SSX2IP: variants seen among roughly 807,000 people sequenced by gnomAD.
The protein encoded by SSX2IP is SSX family member 2 interacting protein, also known as afadin- and alpha-actinin-binding protein.
In SSX2IP, 55 loss-of-function variants were observed where a neutral mutation model predicts 84.9. The ratio of observed to expected loss-of-function variants is 0.65; its 90% confidence interval spans 0.52 to 0.81. The LOEUF is 0.81. Among genes scored for constraint, SSX2IP ranks in the 30% least tolerant of loss-of-function variants. SSX2IP has a pLI of 0.00. For missense variants in SSX2IP, 664 were observed against 705.2 expected, an observed-to-expected ratio of 0.94 and a Z score of 0.66; for synonymous variants, 239 against 234.7, an observed-to-expected ratio of 1.02 and a Z score of -0.17.
At chr1:84,670,387 G>A (rs1653394740) in intron 3 of SSX2IP, 2 of 241,726 alleles carry the variant, frequency 8.3e-6, no homozygotes, top group African/African-American at 2.3e-5. Flanking sequence ...AAGGCACTTG[G>A]GTTTCTGCAT....
Position 84,651,899 on chromosome 1 carries a change from G to A in SSX2IP, c.1488C>T (p.Phe496=). The part of the protein sequence containing the change: ...DHQNSENVKL[F]SAFSGSSDWD... ...AGTACTCACTTCCTGAGAAGGCACTGAAAAGTTTCACATTTTCTGAGTTCT... is the reference window on the plus strand; with the variant it reads ...AGTACTCACTTCCTGAGAAGGCACTAAAAAGTTTCACATTTTCTGAGTTCT... Residue 496 remains phenylalanine, a synonymous_variant, in exon 12 of 14, where the codon TTC becomes TTT. Transcript: ENST00000342203. The A allele has an allele frequency of 1.9e-6, 3 of 1,612,888 alleles. No homozygotes were observed. The highest frequency in any genetic ancestry group is 2.5e-6 in the Non-Finnish European group (3 of 1,179,050).
At chr1:84,653,373 T>C (rs544551361) in intron 11 of SSX2IP, among the ~76,000 whole-genome samples, 8 of 152,210 alleles carry the variant, frequency 5.3e-5, no homozygotes, top group Non-Finnish European at 8.8e-5. Context: ...ATAGGCAAAT[T>C]ATGTCAAACC....
At chr1:84,651,086 C>G (rs1370427982) in intron 12 of SSX2IP, among the ~76,000 whole-genome samples, 1 of 152,038 alleles carries the variant, frequency 6.6e-6, no homozygotes, top group Non-Finnish European at 1.5e-5. Flanking sequence ...GAAGGTGAGG[C>G]GGAATGACTG....
At chr1:84,667,583 T>A (rs1285854324) in intron 4 of SSX2IP, among the ~76,000 whole-genome samples, 3 of 152,100 alleles carry the variant, frequency 2.0e-5, no homozygotes, top group African/African-American at 7.2e-5. Context: ...AACTCCTCAG[T>A]GCTTCCCTGT....
In SSX2IP at chr1:84,660,809, T is replaced by C. The variant is rs539905306; in HGVS notation, c.927+1389A>G. The stretch of plus-strand genomic sequence containing the variant: ...GGCTGACGCCTGTAATCCTAGCACT[T>C]TGGGAGGCTGAGGCAGGCGGATCAC... On this transcript the variant is annotated intron_variant, in intron 8 of 13. Transcript: ENST00000342203. Among the ~76,000 whole-genome samples the C allele has an allele frequency of 1.3e-3, 195 of 148,904 alleles. 2 individuals carry two copies. Among genetic ancestry groups the C allele is most frequent in the African/African-American group, 4.0e-3 (162 of 40,290 alleles).
In SSX2IP at chr1:84,675,685, A is replaced by C. The variant is rs1015735419; in HGVS notation, c.-89-4377T>G. Among the ~76,000 whole-genome samples, 8 of 152,342 alleles carry C rather than the reference A, an allele frequency of 5.3e-5. No homozygotes were observed. In the East Asian group the frequency reaches 1.3e-3, roughly 26 times the overall value. Reference sequence around the variant, plus strand: ...CCCTCTGCTTACCTGAGACAAATGCACATCTGATTGCTTCCTATGCCCTAT... The same window carrying C: ...CCCTCTGCTTACCTGAGACAAATGCCCATCTGATTGCTTCCTATGCCCTAT... On this transcript the variant is annotated intron_variant, in intron 1 of 13. Coordinates refer to ENST00000342203, the MANE Select transcript of SSX2IP (RefSeq NM_001166293.2).
intron 1 of SSX2IP, among the ~76,000 whole-genome samples, chr1:84,679,661 C>T (rs1217261543): frequency 1.3e-5 from 2 of 152,134 alleles, no homozygotes; most frequent in Non-Finnish European, 2.9e-5. Flanking sequence ...TGATGATAAT[C>T]TACTTCTTAA....
intron 5 of SSX2IP, among the ~76,000 whole-genome samples, chr1:84,664,832 T>C (rs946355764): frequency 2.6e-5 from 4 of 152,168 alleles, no homozygotes; most frequent in African/African-American, 9.7e-5. Flanking sequence ...ATGGAAGTAT[T>C]AAAACGATTA....
rs926639734 is a variant in SSX2IP at position 84,688,621 on chromosome 1, T to C, written c.-90+1750A>G. ...GTACTAGGAGATCCCAAGTATACAA[T>C]TGGACACTGTGCTGGACTTGAGGTC... On this transcript the variant is annotated intron_variant, in intron 1 of 13. Coordinates refer to ENST00000342203, the MANE Select transcript of SSX2IP (RefSeq NM_001166293.2). Among the ~76,000 whole-genome samples, 31 of 152,330 alleles carry C rather than the reference T, an allele frequency of 2.0e-4. No individual in the cohort carries two copies. In the South Asian group the frequency reaches 3.5e-3, roughly 17 times the overall value.
Position 84,662,205 on chromosome 1 carries a change from G to C in SSX2IP, c.920C>G (p.Thr307Arg), listed in dbSNP as rs573891623. 1 of 1,583,758 alleles carries C rather than the reference G, an allele frequency of 6.3e-7. No individual in the cohort carries two copies. The highest frequency in any genetic ancestry group is 8.6e-7 in the Non-Finnish European group (1 of 1,168,458). Residue 307 changes from threonine (T) to arginine (R), a missense_variant, in exon 8 of 14, where the codon ACA becomes AGA. Transcript: ENST00000342203. Reference sequence around the variant, plus strand: ...GAGGAAAGAGCCACTTACAGTTCCTGTACTATCATCTACTCTTTCTCTAGG... The same window carrying C: ...GAGGAAAGAGCCACTTACAGTTCCTCTACTATCATCTACTCTTTCTCTAGG... ...KKPRERVDDS[T>R]GTVISDVEED...
chr1:84,659,009 T>C (rs1277999081), intron 8 of SSX2IP, among the ~76,000 whole-genome samples: 1 of 152,068 alleles, frequency 6.6e-6, no homozygotes, highest in Non-Finnish European at 1.5e-5. Flanking sequence ...CATGAAATCA[T>C]AAAGAAGTAG....
At chr1:84,663,330 C>T (rs1652303605) in intron 6 of SSX2IP, among the ~76,000 whole-genome samples, 4 of 152,098 alleles carry the variant, frequency 2.6e-5, no homozygotes, top group Admixed American at 2.6e-4. Context: ...GAACTAAATC[C>T]TTAATAAACT....
chr1:84,683,407 T>C (rs1311943087), intron 1 of SSX2IP, among the ~76,000 whole-genome samples: 1 of 152,160 alleles, frequency 6.6e-6, no homozygotes, highest in Non-Finnish European at 1.5e-5. Flanking sequence ...AATATTAAAT[T>C]CTGGATGTAG....
rs189842171 is a variant in SSX2IP at position 84,667,128 on chromosome 1, G to A, written c.427-896C>T. Among the ~76,000 whole-genome samples the A allele has an allele frequency of 3.8e-3, 582 of 152,082 alleles. 3 individuals are homozygous for A. In the Middle Eastern group the frequency reaches 0.044, roughly 12 times the overall value. The stretch of plus-strand genomic sequence containing the variant: ...GCATGACATAACTTACAGGCACTAG[G>A]CCAGGTGATATGTAGCATATATGTC... On this transcript the variant is annotated intron_variant, in intron 4 of 13. Coordinates refer to ENST00000342203, the MANE Select transcript of SSX2IP (RefSeq NM_001166293.2).
chr1:84,652,109 T>G lies in SSX2IP; in HGVS notation c.1390-112A>C, dbSNP rs1291752246. On this transcript the variant is annotated intron_variant, in intron 11 of 13. Transcript: ENST00000342203. ...TTGCTCTCTGGCTATCTATTCGTAC[T>G]TCTTATGTCAAATGAGTTAACCTAA... is the stretch of plus-strand genomic sequence containing the variant. The G allele has an allele frequency of 1.5e-5, 11 of 744,288 alleles. No individual in the cohort carries two copies. In the Admixed American group the frequency reaches 2.1e-4, roughly 14 times the overall value. The allele number at this position is 744,288 out of a possible 1,614,324, so 46.1% of individuals were successfully genotyped here.
At chr1:84,664,346 C>T (rs1652471376) in intron 6 of SSX2IP, 71 bp downstream of exon 6, 4 of 1,350,396 alleles carry the variant, frequency 3.0e-6, no homozygotes, top group African/African-American at 3.0e-5. Context: ...TGTGTTCAAT[C>T]CTTTTACAAT....
chr1:84,650,531 T>C lies in SSX2IP; in HGVS notation c.1505-4A>G, dbSNP rs200638942. 4.3e-6 allele frequency: 7 copies of C among 1,613,998 alleles called. No homozygotes were observed. The highest frequency in any genetic ancestry group is 1.6e-4 in the Middle Eastern group (1 of 6,062). ...ATAAGATTGTCCCAATCAGAACCTG[T>C]TGTAAAACAAGTAAGAGAAAAAGGC... On this transcript the variant is annotated splice_polypyrimidine_tract_variant and splice_region_variant and intron_variant, in intron 12 of 13. Coordinates refer to ENST00000342203, the MANE Select transcript of SSX2IP (RefSeq NM_001166293.2).
chr1:84,656,406 A>G lies in SSX2IP; in HGVS notation c.1157T>C (p.Leu386Pro). Residue 386 changes from leucine to proline, a missense_variant, in exon 10 of 14, where the codon CTC (leucine) becomes CCC (proline). Physicochemically the swap from Leu to Pro is moderately conservative, Grantham distance 98. Coordinates refer to ENST00000342203, the MANE Select transcript of SSX2IP (RefSeq NM_001166293.2). ...TTTACACTGCTGAATTTCTAACTCG[A>G]GTTTTTCAGTTTCTTGTTCATGGTC... The part of the protein sequence containing the change: ...RQDHEQETEK[L>P]ELEIQQCKEM... 1 of 1,613,516 alleles carries G rather than the reference A, an allele frequency of 6.2e-7. No homozygotes were observed. The highest frequency in any genetic ancestry group is 8.5e-7 in the Non-Finnish European group (1 of 1,179,756).
At chr1:84,650,829 C>T (rs543941198) in intron 12 of SSX2IP, among the ~76,000 whole-genome samples, 106 of 152,090 alleles carry the variant, frequency 7.0e-4, no homozygotes, top group Non-Finnish European at 1.3e-3. Context: ...CTCAGCCTCC[C>T]GAGTAGCTGG....
Sources: gnomAD v4.1 joint callset for allele counts (sites outside exome capture counted in the v4.1 genomes callset) on GRCh38, gnomAD v4.1.1 for gene constraint, MANE v1.5 for transcripts, NCBI Gene and HGNC (gene_info 2026-07-23, HGNC 2026-07-21) for gene names.